The following MYOM1 variants were observed in gnomAD, a reference collection of about 807,000 sequenced individuals.
MYOM1 encodes myomesin-1.
MYOM1 carries 164 observed loss-of-function variants against 205.3 expected under a neutral mutation model. The observed-to-expected ratio is 0.80, with a 90% confidence interval of 0.70 to 0.91. The LOEUF (loss-of-function observed/expected upper bound fraction) is 0.91. Among genes scored for constraint, MYOM1 ranks in the 40% least tolerant of loss-of-function variants. MYOM1 has a pLI of 0.00. For missense variants in MYOM1, 2,011 were observed against 2,127.3 expected (o/e 0.95, Z 1.08); for synonymous variants, 772 against 789.4 (o/e 0.98, Z 0.37).
chr18:3,245,734 C>T, the MYOM1 span, among the ~76,000 whole-genome samples: 2 of 152,070 alleles, frequency 1.3e-5, no homozygotes, highest in Non-Finnish European at 2.9e-5. Flanking sequence ...TGCCTGGCAT[C>T]TCCCTCTCCT....
the MYOM1 span, among the ~76,000 whole-genome samples, chr18:3,238,683 C>G: frequency 6.6e-6 from 1 of 152,134 alleles, no homozygotes; most frequent in Non-Finnish European, 1.5e-5. Flanking sequence ...AGTCATCTTA[C>G]AATCTTGTAG....
intron 20 of MYOM1, among the ~76,000 whole-genome samples, chr18:3,117,241 C>T (rs974355954): frequency 6.6e-6 from 1 of 152,140 alleles, no homozygotes; most frequent in East Asian, 1.9e-4. Context: ...TATTTGATGG[C>T]ATATGAATAT....
At position 3,215,094 on chromosome 18, in the gene MYOM1, T is replaced by C. The variant is rs376653684; in HGVS notation, c.130A>G (p.Thr44Ala). ...GCGGAGGAGCGGCTGCTGTAGGCCGTGGAGCCCTGGGTGTAGACGGCGGAG... is the reference window on the plus strand; with the variant it reads ...GCGGAGGAGCGGCTGCTGTAGGCCGCGGAGCCCTGGGTGTAGACGGCGGAG... ...KRSAVYTQGS[T>A]AYSSRSSAAH... is the part of the protein sequence containing the mutation. The change falls in exon 2 of 38, where the codon ACG (threonine) becomes GCG (alanine). Residue 44 changes from threonine to alanine, a missense_variant. Transcript: ENST00000356443. 6.2e-7 allele frequency: 1 copy of C among 1,613,738 alleles called. No homozygotes were observed. The highest frequency in any genetic ancestry group is 8.5e-7 in the Non-Finnish European group (1 of 1,179,860).
At chr18:3,228,164 G>A in the MYOM1 span, among the ~76,000 whole-genome samples, 6 of 152,168 alleles carry the variant, frequency 3.9e-5, no homozygotes, top group African/African-American at 1.4e-4. This position sits in a 1 kb window ranked among gnomAD's most constrained non-coding sequence, Gnocchi z 4.5. Flanking sequence ...AAAGGACAAC[G>A]TGATGAAGAC....
At chr18:3,194,077 A>G in intron 2 of MYOM1, 119 bp from the exon 3 acceptor site, 1 of 971,578 alleles carries the variant, frequency 1.0e-6, no homozygotes, top group African/African-American at 1.6e-5. Flanking sequence ...CTCTAATGTT[A>G]CAATTATCTC....
chr18:3,102,273 G>A (rs2079389365), intron 23 of MYOM1, among the ~76,000 whole-genome samples: 1 of 151,960 alleles, frequency 6.6e-6, no homozygotes, highest in Non-Finnish European at 1.5e-5. Context: ...CAAAGTGCTG[G>A]GATTAGAGGT....
intron 37 of MYOM1, among the ~76,000 whole-genome samples, chr18:3,067,913 T>G (rs775543081): frequency 8.5e-5 from 13 of 152,220 alleles, no homozygotes; most frequent in Admixed American, 2.0e-4. Flanking sequence ...GGGTTCTGTC[T>G]CGGTACAGGA....
the MYOM1 span, among the ~76,000 whole-genome samples, chr18:3,240,808 A>G: frequency 6.6e-5 from 10 of 152,214 alleles, no homozygotes; most frequent in Non-Finnish European, 8.8e-5. Context: ...GCTTTGCCCA[A>G]AATGCTGATA....
rs552691164 is a variant in MYOM1 at position 3,139,340 on chromosome 18, A to G, written c.2025+2599T>C. 2.2e-4 allele frequency among the ~76,000 whole-genome samples: 33 copies of G among 152,344 alleles called. No individual in the cohort carries two copies. The South Asian group carries it at 6.8e-3, about 32-fold the overall frequency. ...GCTCAAGACGTAAGACACCTGAGGA[A>G]AAAGTTTGGGTGTAAAAAGAACACA... On this transcript the variant is annotated intron_variant, in intron 14 of 37. Transcript: ENST00000356443.
intron 29 of MYOM1, among the ~76,000 whole-genome samples, chr18:3,086,364 T>C (rs2079153823): frequency 6.6e-6 from 1 of 151,094 alleles, no homozygotes; most frequent in Admixed American, 6.6e-5. Context: ...ATCAATAGCA[T>C]CTCTATTTCC....
At chr18:3,102,004 T>A in intron 23 of MYOM1, among the ~76,000 whole-genome samples, 1 of 134,428 alleles carries the variant, frequency 7.4e-6, no homozygotes, top group Non-Finnish European at 1.6e-5. Flanking sequence ...TTTTTTTTTT[T>A]TTTTTTTTTT....
At chr18:3,204,713 T>C (rs945562351) in intron 2 of MYOM1, among the ~76,000 whole-genome samples, 5 of 151,972 alleles carry the variant, frequency 3.3e-5, no homozygotes, top group Admixed American at 2.6e-4. Context: ...TTTGTAGAAA[T>C]TGACAAGGTG....
rs569287681 is a variant in MYOM1, at chr18:3,175,534, T to C, written c.1022+508A>G. ...GTCTAGCCTGCTTCACATACACAGA[T>C]TGACAGAGTGCATACTTTCCCATGG... On this transcript the variant is annotated intron_variant, in intron 6 of 37. Coordinates refer to ENST00000356443, the MANE Select transcript of MYOM1 (RefSeq NM_003803.4). 6.6e-5 allele frequency among the ~76,000 whole-genome samples: 10 copies of C among 152,292 alleles called. No homozygotes were observed. In the East Asian group the frequency reaches 1.5e-3, roughly 23 times the overall value.
intron 27 of MYOM1, among the ~76,000 whole-genome samples, chr18:3,090,114 A>C (rs949264785): frequency 2.0e-5 from 3 of 152,230 alleles, no homozygotes; most frequent in Admixed American, 6.5e-5. Context: ...AAAGTATTTA[A>C]ACGCAGTCTT....
chr18:3,079,327 C>T lies in MYOM1; in HGVS notation c.4500G>A (p.Arg1500=). The change falls in exon 34 of 38, where the codon AGG becomes AGA. Residue 1500 remains arginine, a synonymous_variant. Coordinates refer to ENST00000356443, the MANE Select transcript of MYOM1 (RefSeq NM_003803.4). ...CCCCGGTCTTAACTCTGTCTGAGTA[C>T]CTAATGGCGGACCCACTGTGAAAAT... The part of the protein sequence containing the change: ...VNWSHNGSAI[R]YSDRVKTGVT... 6.2e-7 allele frequency: 1 copy of T among 1,610,718 alleles called. No individual in the cohort carries two copies. The highest frequency in any genetic ancestry group is 8.5e-7 in the Non-Finnish European group (1 of 1,177,448).
rs1060504727 is a variant in MYOM1 at position 3,116,445 on chromosome 18, G to C, written c.3189C>G (p.Val1063=). Residue 1063 remains valine (V), a synonymous_variant, in exon 21 of 38, where the codon GTC becomes GTG. Coordinates refer to ENST00000356443, the MANE Select transcript of MYOM1 (RefSeq NM_003803.4). ...CAGTGACCGGAGTCCGCCCGGAGTG[G>C]ACTGGCGGCTTCCACTGGAGAACCA... is the stretch of plus-strand genomic sequence containing the variant. The part of the protein sequence containing the change: ...DSLVLQWKPP[V]HSGRTPVTGY... 4.3e-6 allele frequency: 7 copies of C among 1,612,600 alleles called. No individual in the cohort carries two copies. The highest frequency in any genetic ancestry group is 1.1e-5 in the South Asian group (1 of 90,926).
chr18:3,220,159 A>G (rs1238164879), upstream of MYOM1: 1 of 152,246 alleles, frequency 6.6e-6, no homozygotes, highest in Non-Finnish European at 1.5e-5. Context: ...TTATTTGGCA[A>G]CAAGAGTTAT....
chr18:3,077,909 G>A (rs935777111), intron 34 of MYOM1, among the ~76,000 whole-genome samples: 3 of 152,032 alleles, frequency 2.0e-5, no homozygotes, highest in Non-Finnish European at 2.9e-5. Context: ...CTTTCTAGTC[G>A]CCGTGAATGG....
At chr18:3,075,352 C>A in intron 36 of MYOM1, 102 bp downstream of exon 36, 3 of 1,133,882 alleles carry the variant, frequency 2.6e-6, no homozygotes, top group South Asian at 1.4e-5. Context: ...AGAAAAAAAC[C>A]ACTTCCATTC....
Sources: allele counts gnomAD v4.1 joint callset (sites outside exome capture counted in the v4.1 genomes callset), GRCh38; gene constraint gnomAD v4.1.1; non-coding constraint Gnocchi (gnomAD v3.1); transcripts MANE v1.5; gene names NCBI Gene and HGNC (gene_info 2026-07-23, HGNC 2026-07-21).